Variants in ERG observed in about 807,000 individuals in gnomAD.
ERG encodes ETS transcription factor ERG.
In ERG, 9 loss-of-function variants were observed where a neutral mutation model predicts 55.3. The ratio of observed to expected loss-of-function variants is 0.16; its 90% confidence interval spans 0.10 to 0.28. ERG has a LOEUF of 0.28. Among genes scored for constraint, ERG ranks in the 10% least tolerant of loss-of-function variants. ERG has a pLI of 1.00. For missense variants in ERG, 434 were observed against 631.6 expected (o/e 0.69, Z 3.35); for synonymous variants, 223 against 237.3 (o/e 0.94, Z 0.55).
At chr21:38,447,951 A>G (rs1272798555) in intron 1 of ERG, among the ~76,000 whole-genome samples, 2 of 152,204 alleles carry the variant, frequency 1.3e-5, no homozygotes, top group Non-Finnish European at 2.9e-5. Context: ...ATTTAAAATT[A>G]CAAACTAAAA....
chr21:38,381,565 G>T lies in ERG; in HGVS notation c.*1838C>A, dbSNP rs1256187214. Reference sequence around the variant, plus strand: ...GCAGCAAATCTAGACGTTATCCCTTGTTTCTGTAAAGTGAGAAATTGCAGC... The same window carrying T: ...GCAGCAAATCTAGACGTTATCCCTTTTTTCTGTAAAGTGAGAAATTGCAGC... On this transcript the variant is annotated 3_prime_UTR_variant, in exon 10 of 10. Coordinates refer to ENST00000288319, the MANE Select transcript of ERG (RefSeq NM_182918.4). 1 of 1,063,380 alleles carries T rather than the reference G, an allele frequency of 9.4e-7. No individual in the cohort carries two copies. The highest frequency in any genetic ancestry group is 1.1e-6 in the Non-Finnish European group (1 of 878,184). 65.9% of individuals were successfully genotyped at this position (1,063,380 alleles called of 1,614,324 possible).
At chr21:38,661,042 G>T (rs533988897) in intron 1 of ERG, among the ~76,000 whole-genome samples, 1 of 151,856 alleles carries the variant, frequency 6.6e-6, no homozygotes, top group South Asian at 2.1e-4. Context: ...AAGAGGAGGA[G>T]GGAGGCGGAG....
At position 38,523,318 on chromosome 21, in the gene ERG, C is replaced by T. The variant is rs576052840; in HGVS notation, c.-41+52344G>A. Among the ~76,000 whole-genome samples the T allele has an allele frequency of 2.0e-5, 3 of 152,250 alleles. No homozygotes were observed. The East Asian group carries it at 5.8e-4, about 29-fold the overall frequency. On this transcript the variant is annotated intron_variant, in intron 2 of 8. Transcript: ENST00000398897. ...AGTTGGTTGTCTATCACAAATAAGCCATCTATTTTGTTATTCCTGTAACTT... is the reference window on the plus strand; with the variant it reads ...AGTTGGTTGTCTATCACAAATAAGCTATCTATTTTGTTATTCCTGTAACTT...
intron 2 of ERG, among the ~76,000 whole-genome samples, chr21:38,556,879 G>A (rs1249970601): frequency 6.6e-6 from 1 of 152,166 alleles, no homozygotes; most frequent in African/African-American, 2.4e-5. Flanking sequence ...ACTGAAATTT[G>A]AGAGTTAGAG....
At chr21:38,541,256 A>G (rs1022803234) in intron 2 of ERG, among the ~76,000 whole-genome samples, 1 of 152,168 alleles carries the variant, frequency 6.6e-6, no homozygotes, top group Admixed American at 6.6e-5. Flanking sequence ...GCTTCATTCA[A>G]ATCAAATTGG....
intron 1 of ERG, among the ~76,000 whole-genome samples, chr21:38,606,106 AAGATAGGT>A (rs897604823): frequency 7.2e-5 from 11 of 152,150 alleles, no homozygotes; most frequent in South Asian, 2.1e-4. Flanking sequence ...TGATTGATAG[AAGATAGGT>A]AGATAGGTAG....
At chr21:38,587,829 T>C (rs2060075716), upstream of ERG, among the ~76,000 whole-genome samples, 1 of 152,246 alleles carries the variant, frequency 6.6e-6, no homozygotes, top group Non-Finnish European at 1.5e-5. Context: ...TACTATGCTA[T>C]TCTATAGTAG....
At chr21:38,600,800 C>T (rs1601298512) in intron 1 of ERG, among the ~76,000 whole-genome samples, 1 of 152,156 alleles carries the variant, frequency 6.6e-6, no homozygotes, top group East Asian at 1.9e-4. Context: ...TTTTGGACAA[C>T]CACTAAACAC....
chr21:38,464,554 T>C (rs2146603925), intron 1 of ERG, among the ~76,000 whole-genome samples: 1 of 152,342 alleles, frequency 6.6e-6, no homozygotes, highest in East Asian at 1.9e-4. Flanking sequence ...ACAGGATATG[T>C]TCATTTTTAG....
At chr21:38,658,102 T>G (rs2060530208) in intron 1 of ERG, among the ~76,000 whole-genome samples, 1 of 152,188 alleles carries the variant, frequency 6.6e-6, no homozygotes, top group African/African-American at 2.4e-5. Context: ...AAAGCCCAAG[T>G]AACCTTACAC....
chr21:38,409,872 A>G (rs1254180274), intron 3 of ERG, among the ~76,000 whole-genome samples: 1 of 152,230 alleles, frequency 6.6e-6, no homozygotes, highest in East Asian at 1.9e-4. Context: ...GAAAATTTCT[A>G]AGAAATTTTT....
Position 38,392,431 on chromosome 21 carries a change from C to T in ERG, c.759G>A (p.Glu253=), listed in dbSNP as rs60003788. The change falls in exon 7 of 10, where the codon GAG becomes GAA. Residue 253 remains glutamate, a synonymous_variant. Transcript: ENST00000288319. ...RITTRPDLPY[E]PPRRSAWTGH... ...CGGTCCAGGCTGATCTCCTGGGGGG[C>T]TCATATGGTAAATCTGTAAAGACAA... 1 of 1,544,662 alleles carries T rather than the reference C, an allele frequency of 6.5e-7. No homozygotes were observed. Among genetic ancestry groups the T allele is most frequent in the Non-Finnish European group, 8.7e-7 (1 of 1,144,508 alleles).
chr21:38,469,024 G>T (rs182961735), intron 1 of ERG, among the ~76,000 whole-genome samples: 3 of 134,050 alleles, frequency 2.2e-5, no homozygotes, highest in Non-Finnish European at 3.4e-5. Flanking sequence ...AGAAAATGTG[G>T]CTTCAAGACC....
intron 1 of ERG, among the ~76,000 whole-genome samples, chr21:38,463,286 G>A (rs957050851): frequency 6.6e-6 from 1 of 152,078 alleles, no homozygotes; most frequent in African/African-American, 2.4e-5. Flanking sequence ...CAAGTGGCTG[G>A]GCATCCATCA....
intron 1 of ERG, among the ~76,000 whole-genome samples, chr21:38,593,009 G>C (rs1442792098): frequency 2.0e-5 from 3 of 152,166 alleles, no homozygotes; most frequent in African/African-American, 4.8e-5. Flanking sequence ...ATGTGCCTGT[G>C]GGCACCAGTT....
intron 2 of ERG, among the ~76,000 whole-genome samples, chr21:38,562,066 C>G (rs1400975558): frequency 6.6e-6 from 1 of 152,162 alleles, no homozygotes; most frequent in Admixed American, 6.5e-5. Flanking sequence ...TCCACGGAGA[C>G]ACATGTGCAA....
intron 2 of ERG, among the ~76,000 whole-genome samples, chr21:38,433,277 T>C (rs1485121678): frequency 6.6e-6 from 1 of 152,206 alleles, no homozygotes; most frequent in East Asian, 1.9e-4. Flanking sequence ...CATCTGACTC[T>C]GACTGCAGGC....
At chr21:38,520,130 C>T (rs955796968) in intron 2 of ERG, among the ~76,000 whole-genome samples, 5 of 151,964 alleles carry the variant, frequency 3.3e-5, no homozygotes, top group Admixed American at 2.0e-4. Context: ...GCAGATGAAA[C>T]GGGGGAGAAG....
At chr21:38,463,204 C>A (rs1393312677) in intron 1 of ERG, among the ~76,000 whole-genome samples, 1 of 152,128 alleles carries the variant, frequency 6.6e-6, no homozygotes, top group Non-Finnish European at 1.5e-5. Flanking sequence ...TGTTTACCTG[C>A]TTGCTGGGGT....
Sources: allele counts gnomAD v4.1 joint callset (sites outside exome capture counted in the v4.1 genomes callset), GRCh38; gene constraint gnomAD v4.1.1; transcripts MANE v1.5; gene names NCBI Gene and HGNC (gene_info 2026-07-23, HGNC 2026-07-21).